The following KHDRBS3 variants were observed in gnomAD, a reference collection of about 807,000 sequenced individuals.
The protein encoded by KHDRBS3 is KH RNA binding domain containing, signal transduction associated 3.
Under a neutral mutation model 45.6 loss-of-function variants are expected in KHDRBS3, and 23 were observed. The observed-to-expected ratio is 0.50, with a 90% CI of 0.36 to 0.72. The LOEUF (loss-of-function observed/expected upper bound fraction) is 0.72, where lower values mean the gene tolerates loss of function less well. KHDRBS3 is among the 30% of genes least tolerant of loss of function. The pLI is 0.00. For missense variants in KHDRBS3, 352 were observed against 424.8 expected (o/e 0.83, Z 1.51); for synonymous variants, 162 against 156.5 (o/e 1.04, Z -0.26).
intron 1 of KHDRBS3, among the ~76,000 whole-genome samples, chr8:135,468,746 T>C (rs998594097): frequency 1.3e-5 from 2 of 152,168 alleles, no homozygotes; most frequent in Non-Finnish European, 2.9e-5. Context: ...CCTTCCAAAA[T>C]AGGGGCACAA....
chr8:135,536,234 G>GT (rs374782370), intron 2 of KHDRBS3, among the ~76,000 whole-genome samples: 9,405 of 85,878 alleles, frequency 0.11, 1,366 homozygotes, highest in Non-Finnish European at 0.13. Context: ...TTTCTGTCCA[G>GT]TTTTTTTTTT....
At chr8:135,580,921 C>T (rs1479400363) in intron 5 of KHDRBS3, among the ~76,000 whole-genome samples, 1 of 152,148 alleles carries the variant, frequency 6.6e-6, no homozygotes, top group East Asian at 1.9e-4. Context: ...CCAAAACCCT[C>T]TTCATTTCTG....
intron 1 of KHDRBS3, among the ~76,000 whole-genome samples, chr8:135,466,068 G>T (rs374933457): frequency 6.6e-6 from 1 of 152,106 alleles, no homozygotes; most frequent in Non-Finnish European, 1.5e-5. Context: ...ACATAGCTAG[G>T]TTACCTTCTT....
chr8:135,584,663 G>A (rs1056468963), intron 6 of KHDRBS3, among the ~76,000 whole-genome samples: 9 of 152,134 alleles, frequency 5.9e-5, no homozygotes, highest in African/African-American at 2.2e-4. Flanking sequence ...GCTGGTACTT[G>A]GTATAAGGAG....
At chr8:135,504,582 C>G (rs568262976) in intron 1 of KHDRBS3, among the ~76,000 whole-genome samples, 1 of 152,278 alleles carries the variant, frequency 6.6e-6, no homozygotes, top group African/African-American at 2.4e-5. Flanking sequence ...CTTGGAATAG[C>G]AAATGTTTTG....
At chr8:135,485,437 T>G (rs1273150635) in intron 1 of KHDRBS3, among the ~76,000 whole-genome samples, 1 of 152,020 alleles carries the variant, frequency 6.6e-6, no homozygotes, top group African/African-American at 2.4e-5. Context: ...GAGCCAAGGT[T>G]TAGAGATAAA....
At chr8:135,584,732 A>G (rs966004312) in intron 6 of KHDRBS3, among the ~76,000 whole-genome samples, 10 of 152,274 alleles carry the variant, frequency 6.6e-5, no homozygotes, top group East Asian at 3.9e-4. Flanking sequence ...TGCCTTGCAG[A>G]TACCCGTTTG....
intron 1 of KHDRBS3, among the ~76,000 whole-genome samples, chr8:135,459,186 C>T (rs1169898483): frequency 1.3e-5 from 2 of 152,244 alleles, no homozygotes; most frequent in Admixed American, 6.5e-5. Flanking sequence ...TATATAGATA[C>T]CTATATTTTA....
intron 7 of KHDRBS3, among the ~76,000 whole-genome samples, chr8:135,621,149 G>A (rs529433104): frequency 7.0e-6 from 1 of 143,682 alleles, no homozygotes; most frequent in Admixed American, 6.9e-5. Flanking sequence ...GGGGAGGATG[G>A]GAGGGTGCCA....
chr8:135,478,580 A>G (rs968642251), intron 1 of KHDRBS3, among the ~76,000 whole-genome samples: 1 of 152,258 alleles, frequency 6.6e-6, no homozygotes, highest in African/African-American at 2.4e-5. Flanking sequence ...ATGCCAGTTC[A>G]TAGAACAAGC....
intron 1 of KHDRBS3, among the ~76,000 whole-genome samples, chr8:135,516,925 A>C (rs975640936): frequency 6.6e-6 from 1 of 152,162 alleles, no homozygotes; most frequent in African/African-American, 2.4e-5. Context: ...ACATTACTAA[A>C]ATTTTTATAT....
At chr8:135,532,577 T>C (rs1254387521) in intron 2 of KHDRBS3, among the ~76,000 whole-genome samples, 2 of 152,072 alleles carry the variant, frequency 1.3e-5, no homozygotes, top group Non-Finnish European at 2.9e-5. Context: ...ACGGAGTGGT[T>C]TTTTGTGTGC....
intron 7 of KHDRBS3, among the ~76,000 whole-genome samples, chr8:135,634,472 A>G (rs1351698386): frequency 6.6e-6 from 1 of 152,216 alleles, no homozygotes; most frequent in Non-Finnish European, 1.5e-5. Flanking sequence ...GGCGTTTTCA[A>G]TGGAAAATTA....
At chr8:135,593,639 G>A (rs56103201) in intron 6 of KHDRBS3, among the ~76,000 whole-genome samples, 14,689 of 151,908 alleles carry the variant, frequency 0.097, 987 homozygotes, top group Non-Finnish European at 0.14. Flanking sequence ...CACTTTGCCC[G>A]GCTAATTTTT....
chr8:135,508,943 T>G (rs773605274), intron 1 of KHDRBS3, among the ~76,000 whole-genome samples: 1 of 152,172 alleles, frequency 6.6e-6, no homozygotes, highest in Non-Finnish European at 1.5e-5. Context: ...TTTCAGAACT[T>G]TCCTGACTAC....
intron 7 of KHDRBS3, among the ~76,000 whole-genome samples, chr8:135,623,024 A>T (rs1830211688): frequency 6.6e-6 from 1 of 152,158 alleles, no homozygotes; most frequent in African/African-American, 2.4e-5. Flanking sequence ...AGTCTGTGCT[A>T]ACAGTTCTCC....
intron 6 of KHDRBS3, among the ~76,000 whole-genome samples, chr8:135,598,595 T>C (rs766705079): frequency 2.6e-5 from 4 of 152,230 alleles, no homozygotes; most frequent in Non-Finnish European, 4.4e-5. Flanking sequence ...TGATGACTTA[T>C]TTAAATGATA....
At chr8:135,576,691 G>A (rs1827959689) in intron 5 of KHDRBS3, among the ~76,000 whole-genome samples, 2 of 152,136 alleles carry the variant, frequency 1.3e-5, no homozygotes, top group Admixed American at 1.3e-4. Context: ...AAGAAGCTCA[G>A]GTTCCATTTA....
chr8:135,535,520 G>A (rs1398340585), intron 2 of KHDRBS3, among the ~76,000 whole-genome samples: 2 of 151,110 alleles, frequency 1.3e-5, no homozygotes, highest in Non-Finnish European at 2.9e-5. Flanking sequence ...AAGTTTTGAT[G>A]TCTTTAATTG....
Sources: gnomAD v4.1 joint callset for allele counts (sites outside exome capture counted in the v4.1 genomes callset) on GRCh38, gnomAD v4.1.1 for gene constraint, MANE v1.5 for transcripts, NCBI Gene and HGNC (gene_info 2026-07-23, HGNC 2026-07-21) for gene names.